CPM: variants seen among roughly 807,000 people sequenced by gnomAD.
CPM encodes carboxypeptidase M, also known as renal carboxypeptidase.
CPM carries 35 observed loss-of-function variants against 46.4 expected under a neutral mutation model. That is an observed-to-expected ratio of 0.75 (90% confidence interval 0.58 to 1.00). The LOEUF (loss-of-function observed/expected upper bound fraction) is 1.00. CPM is among the 50% of genes least tolerant of loss of function. The pLI, the probability that CPM is intolerant of heterozygous loss-of-function variation, is 0.00. For synonymous variants in CPM, 195 were observed against 195.3 expected, an observed-to-expected ratio of 1.00 and a Z score of 0.01; for missense variants, 422 against 530.4, an observed-to-expected ratio of 0.80 and a Z score of 2.01.
chr12:68,940,496 T>A (rs1274001069), intron 1 of CPM, among the ~76,000 whole-genome samples: 1 of 148,384 alleles, frequency 6.7e-6, no homozygotes, highest in African/African-American at 2.5e-5. Flanking sequence ...TTTGTTTTCA[T>A]CTAGTATGTG....
chr12:68,961,792 C>T (rs1256668301), intron 1 of CPM, among the ~76,000 whole-genome samples: 1 of 151,470 alleles, frequency 6.6e-6, no homozygotes, highest in Non-Finnish European at 1.5e-5. Flanking sequence ...AACTCAACAA[C>T]TGTGTAGGTT....
At chr12:68,849,846 C>T (rs1387812600), downstream of CPM, 2 of 152,362 alleles carry the variant, frequency 1.3e-5, no homozygotes, top group East Asian at 3.9e-4. Flanking sequence ...CTCCTGACCT[C>T]AGGTGATCCA....
chr12:68,921,170 T>C (rs541558492), intron 2 of CPM, among the ~76,000 whole-genome samples: 4 of 151,534 alleles, frequency 2.6e-5, no homozygotes, highest in African/African-American at 9.7e-5. Context: ...AGTCTTGCTC[T>C]GTCACCCAGG....
chr12:68,921,342 A>G (rs1440574168), intron 2 of CPM, among the ~76,000 whole-genome samples: 2 of 151,696 alleles, frequency 1.3e-5, no homozygotes, highest in East Asian at 3.9e-4. Context: ...GGGTTTCACC[A>G]TGTTGGCCAG....
chr12:68,878,583 T>C (rs926724107), intron 3 of CPM, among the ~76,000 whole-genome samples: 3 of 151,988 alleles, frequency 2.0e-5, no homozygotes, highest in African/African-American at 7.2e-5. Flanking sequence ...CAATCACCAC[T>C]CCCCACTGTC....
intron 2 of CPM, among the ~76,000 whole-genome samples, chr12:68,911,556 A>C (rs1160058248): frequency 1.3e-5 from 2 of 152,226 alleles, no homozygotes; most frequent in Admixed American, 1.3e-4. Flanking sequence ...CCTGTGCCTG[A>C]CATCAAAGAT....
chr12:68,876,162 A>T (rs972233915), intron 3 of CPM, among the ~76,000 whole-genome samples: 12 of 152,240 alleles, frequency 7.9e-5, no homozygotes, highest in Non-Finnish European at 1.5e-4. Context: ...ACAAGTATGT[A>T]ACCAAAGTAT....
Position 68,845,378 on chromosome 12 carries a change from C to T in CPM, c.534-3049G>A, listed in dbSNP as rs748598341. 3.8e-5 allele frequency: 8 copies of T among 210,450 alleles called. No homozygotes were observed. In the South Asian group the frequency reaches 1.1e-3, roughly 30 times the overall value. 13.0% of individuals were successfully genotyped at this position (210,450 alleles called of 1,614,324 possible). ...GCACTTGGAAGGTGTTCAGAAGTAA[C>T]AAATTATAAAATGAGCTAACAAACG... On this transcript the variant is annotated intron_variant, in intron 5 of 5. Coordinates refer to the CPM transcript ENST00000551897.
intron 1 of CPM, among the ~76,000 whole-genome samples, chr12:68,958,410 A>T (rs1462370741): frequency 2.6e-5 from 4 of 151,686 alleles, no homozygotes; most frequent in Non-Finnish European, 5.9e-5. Flanking sequence ...TTCCCCTCAA[A>T]CCCCTTCCAC....
intron 2 of CPM, chr12:68,913,973 C>G: frequency 4.2e-6 from 3 of 718,310 alleles, no homozygotes; most frequent in South Asian, 4.1e-5. Flanking sequence ...GTGTTTGATG[C>G]AGCTACACAG....
At chr12:68,882,400 TTC>T (rs1162473213) in intron 3 of CPM, among the ~76,000 whole-genome samples, 1 of 144,274 alleles carries the variant, frequency 6.9e-6, no homozygotes, top group Non-Finnish European at 1.5e-5. Context: ...CATGATCTTG[TTC>T]TTTTTTCATG....
At chr12:68,880,608 G>A (rs531824938) in intron 3 of CPM, among the ~76,000 whole-genome samples, 8 of 152,128 alleles carry the variant, frequency 5.3e-5, no homozygotes, top group Non-Finnish European at 1.2e-4. Flanking sequence ...TAAAAACAGA[G>A]AAGAGAGAGT....
At chr12:68,935,990 G>A (rs959386482), upstream of CPM, among the ~76,000 whole-genome samples, 6 of 152,146 alleles carry the variant, frequency 3.9e-5, no homozygotes, top group African/African-American at 1.4e-4. Context: ...ACAGAGATGA[G>A]CTATAGTTGA....
At chr12:68,885,412 G>T in intron 3 of CPM, among the ~76,000 whole-genome samples, 1 of 152,180 alleles carries the variant, frequency 6.6e-6, no homozygotes, top group East Asian at 1.9e-4. Flanking sequence ...TTGTGGGTTC[G>T]GATACAATAC....
At chr12:68,911,101 G>A (rs2136292342) in intron 2 of CPM, among the ~76,000 whole-genome samples, 1 of 152,240 alleles carries the variant, frequency 6.6e-6, no homozygotes, top group East Asian at 1.9e-4. Flanking sequence ...ATATTATTTG[G>A]TATCTGACTT....
intron 2 of CPM, among the ~76,000 whole-genome samples, chr12:68,889,333 A>C (rs1018086656): frequency 2.0e-5 from 3 of 152,336 alleles, no homozygotes; most frequent in Middle Eastern, 3.4e-3. Context: ...CCATTTATTC[A>C]ATCAATTCTC....
At chr12:68,870,080 T>C in intron 5 of CPM, 135 bp downstream of exon 5, 3 of 856,960 alleles carry the variant, frequency 3.5e-6, no homozygotes, top group Non-Finnish European at 5.2e-6. Context: ...ATGGCTAGAG[T>C]TGGGAACATG....
intron 2 of CPM, among the ~76,000 whole-genome samples, chr12:68,923,351 T>C (rs2136310071): frequency 6.6e-6 from 1 of 152,224 alleles, no homozygotes; most frequent in East Asian, 1.9e-4. Flanking sequence ...AGTTATCACA[T>C]CTCAAATGTA....
chr12:68,893,470 G>A (rs1189946736), intron 2 of CPM, among the ~76,000 whole-genome samples: 1 of 152,166 alleles, frequency 6.6e-6, no homozygotes, highest in African/African-American at 2.4e-5. Flanking sequence ...CTTTGTTTAT[G>A]GACAGGGGAA....
Sources: allele counts gnomAD v4.1 joint callset (sites outside exome capture counted in the v4.1 genomes callset), GRCh38; gene constraint gnomAD v4.1.1; transcripts MANE v1.5; gene names NCBI Gene and HGNC (gene_info 2026-07-23, HGNC 2026-07-21).